CTNNBL1: variants seen among roughly 807,000 people sequenced by gnomAD.
The protein encoded by CTNNBL1 is beta-catenin-like protein 1.
CTNNBL1 carries 31 observed loss-of-function variants against 72.7 expected under a neutral mutation model. The ratio of observed to expected loss-of-function variants is 0.43; its 90% CI spans 0.32 to 0.58. CTNNBL1 has a LOEUF of 0.58. Ranked by LOEUF, CTNNBL1 falls within the 20% of genes least tolerant of loss-of-function variation. CTNNBL1 has a pLI of 0.08. For missense variants in CTNNBL1, 534 were observed against 725.1 expected (o/e 0.74, Z 3.03); for synonymous variants, 240 against 267.3 (o/e 0.90, Z 1.00).
intron 13 of CTNNBL1, among the ~76,000 whole-genome samples, chr20:37,850,017 A>T (rs1016600276): frequency 2.0e-5 from 3 of 152,240 alleles, no homozygotes; most frequent in Admixed American, 1.3e-4. Flanking sequence ...CTGCATGCTT[A>T]TCTGTCTCTC....
intron 7 of CTNNBL1, 22 bp downstream of exon 7, chr20:37,768,066 T>G: frequency 6.3e-7 from 1 of 1,585,088 alleles, no homozygotes; most frequent in Non-Finnish European, 8.7e-7. Context: ...TGTGGGGAAC[T>G]GCAGCTCACA....
At chr20:37,718,456 G>A (rs535910549) in intron 1 of CTNNBL1, among the ~76,000 whole-genome samples, 2,191 of 134,752 alleles carry the variant, frequency 0.016, 41 homozygotes, top group African/African-American at 0.056. Context: ...CTGGCCGGGC[G>A]GGGGGCTGAC....
chr20:37,707,008 T>A lies in CTNNBL1; in HGVS notation c.30+12856T>A, dbSNP rs1395070357. ...ATGAACAGTAATATTTTGGAAGAAA[T>A]TTTTTTTTTTCTGAGCAGTAGGTCT... On this transcript the variant is annotated intron_variant, in intron 1 of 15. Transcript: ENST00000361383. Among the ~76,000 whole-genome samples, 36 of 146,086 alleles carry A rather than the reference T, an allele frequency of 2.5e-4. 1 individual carries two copies. Among genetic ancestry groups the A allele is most frequent in the Admixed American group, 2.3e-3 (34 of 14,772 alleles).
chr20:37,747,244 G>A (rs2073274519), intron 4 of CTNNBL1, among the ~76,000 whole-genome samples: 1 of 151,988 alleles, frequency 6.6e-6, no homozygotes, highest in Admixed American at 6.6e-5. Context: ...ACGTGGTGGT[G>A]CACGCCTGTA....
chr20:37,841,266 A>G (rs1483095413), intron 12 of CTNNBL1, among the ~76,000 whole-genome samples: 1 of 152,180 alleles, frequency 6.6e-6, no homozygotes, highest in Admixed American at 6.5e-5. Context: ...CCTCACCAGG[A>G]GTATAGCATG....
chr20:37,730,412 G>C (rs1189155495), intron 1 of CTNNBL1, among the ~76,000 whole-genome samples: 2 of 152,188 alleles, frequency 1.3e-5, no homozygotes. Flanking sequence ...TATTTGTTTA[G>C]TACCATTATG....
At chr20:37,755,916 C>G (rs1480989866) in intron 4 of CTNNBL1, among the ~76,000 whole-genome samples, 1 of 152,208 alleles carries the variant, frequency 6.6e-6, no homozygotes, top group African/African-American at 2.4e-5. Flanking sequence ...GTCCTGCACA[C>G]AGCTTTTAGC....
rs539604255 is a variant in CTNNBL1, at chr20:37,818,283, AAAT to A, written c.1213+15239_1213+15241del. Among the ~76,000 whole-genome samples the A allele has an allele frequency of 7.2e-4, 109 of 152,326 alleles. No individual in the cohort carries two copies. The South Asian group carries it at 0.015, about 21-fold the overall frequency. On this transcript the variant is annotated intron_variant, in intron 11 of 15. Coordinates refer to ENST00000361383, the MANE Select transcript of CTNNBL1 (RefSeq NM_030877.5). ...ACCTTTCTGTGGGGAGACAGCATGC[AAAT>A]AATGATTTATGAAGTTGTCATTGGA...
At chr20:37,745,192 G>T (rs2073252126) in intron 3 of CTNNBL1, among the ~76,000 whole-genome samples, 1 of 152,176 alleles carries the variant, frequency 6.6e-6, no homozygotes, top group Non-Finnish European at 1.5e-5. Flanking sequence ...ATGTTTTAAA[G>T]AATTCTAAGT....
chr20:37,698,728 G>T (rs1269987345), intron 1 of CTNNBL1, among the ~76,000 whole-genome samples: 1 of 152,210 alleles, frequency 6.6e-6, no homozygotes, highest in East Asian at 1.9e-4. Context: ...TCCTCTTGCA[G>T]AAAGTCATGA....
chr20:37,696,534 C>T (rs1386202816), intron 1 of CTNNBL1, among the ~76,000 whole-genome samples: 1 of 143,548 alleles, frequency 7.0e-6, no homozygotes, highest in Non-Finnish European at 1.5e-5. Flanking sequence ...ACCTCTGCCT[C>T]TTGGGTTCAA....
intron 13 of CTNNBL1, among the ~76,000 whole-genome samples, chr20:37,845,004 G>A (rs1650945330): frequency 6.6e-6 from 1 of 152,194 alleles, no homozygotes; most frequent in Non-Finnish European, 1.5e-5. Context: ...TAAGCATAAA[G>A]TATAGAAAGT....
intron 15 of CTNNBL1, among the ~76,000 whole-genome samples, chr20:37,865,713 C>T (rs994290654): frequency 6.6e-6 from 1 of 152,162 alleles, no homozygotes; most frequent in Admixed American, 6.5e-5. Context: ...CCAGTCTTAT[C>T]GATGTTTTAG....
At chr20:37,730,285 A>G (rs528476853) in intron 1 of CTNNBL1, among the ~76,000 whole-genome samples, 1 of 152,338 alleles carries the variant, frequency 6.6e-6, no homozygotes. Context: ...CACCAAGCAT[A>G]TCGCTGGTGG....
intron 13 of CTNNBL1, among the ~76,000 whole-genome samples, chr20:37,857,380 G>C (rs756063366): frequency 2.0e-5 from 3 of 152,188 alleles, no homozygotes; most frequent in Non-Finnish European, 2.9e-5. Context: ...GGTTTTGTCA[G>C]GGGCGCATGC....
At chr20:37,858,257 G>C (rs1425049104) in intron 13 of CTNNBL1, among the ~76,000 whole-genome samples, 2 of 152,196 alleles carry the variant, frequency 1.3e-5, no homozygotes, top group Non-Finnish European at 2.9e-5. Flanking sequence ...TGGCTGCATA[G>C]ATGTGTACTG....
intron 4 of CTNNBL1, chr20:37,756,400 TTCTCTC>T (rs11468896): frequency 0.038 from 5,574 of 148,516 alleles, 306 homozygotes; most frequent in African/African-American, 0.13. Context: ...AGGTGTCTGT[TTCTCTC>T]TCTCTCTCTC....
At chr20:37,763,033 G>A (rs1423141382) in intron 5 of CTNNBL1, among the ~76,000 whole-genome samples, 2 of 152,152 alleles carry the variant, frequency 1.3e-5, no homozygotes, top group African/African-American at 4.8e-5. Flanking sequence ...AGAAAGGAGG[G>A]AAAATAATGC....
At chr20:37,720,271 G>A (rs955703590) in intron 1 of CTNNBL1, among the ~76,000 whole-genome samples, 5 of 151,966 alleles carry the variant, frequency 3.3e-5, no homozygotes, top group East Asian at 1.9e-4. Context: ...CTCGTGATCC[G>A]CCCATCTCAC....
Sources: gnomAD v4.1 joint callset for allele counts (sites outside exome capture counted in the v4.1 genomes callset) on GRCh38, gnomAD v4.1.1 for gene constraint, MANE v1.5 for transcripts, NCBI Gene and HGNC (gene_info 2026-07-23, HGNC 2026-07-21) for gene names.